The following MTOR variants were observed in gnomAD, a reference collection of about 807,000 sequenced individuals.
MTOR encodes mechanistic target of rapamycin kinase, also known as serine/threonine-protein kinase mTOR.
MTOR carries 70 observed loss-of-function variants against 319.8 expected under a neutral mutation model. The ratio of observed to expected loss-of-function variants is 0.22; its 90% CI spans 0.18 to 0.27. The LOEUF (loss-of-function observed/expected upper bound fraction) is 0.27, where lower values mean the gene tolerates loss of function less well. Among genes scored for constraint, MTOR ranks in the 10% least tolerant of loss-of-function variants. The pLI is 1.00. For missense variants in MTOR, 1,890 were observed against 3,274.4 expected (o/e 0.58, Z 10.32); for synonymous variants, 1,183 against 1,211.4 (o/e 0.98, Z 0.49).
intron 29 of MTOR, among the ~76,000 whole-genome samples, chr1:11,165,237 G>A (rs1171298569): frequency 6.6e-6 from 1 of 152,048 alleles, no homozygotes; most frequent in Non-Finnish European, 1.5e-5. Flanking sequence ...AGTGTTGGAA[G>A]TTCTGGCCAG....
intron 34 of MTOR, among the ~76,000 whole-genome samples, chr1:11,140,954 T>C (rs910046911): frequency 2.0e-5 from 3 of 149,254 alleles, no homozygotes; most frequent in Admixed American, 1.4e-4. Flanking sequence ...TCTGAAGTTA[T>C]TAAAGCCTAA....
chr1:11,126,169 C>T (rs112796581), intron 46 of MTOR, among the ~76,000 whole-genome samples: 1 of 150,956 alleles, frequency 6.6e-6, no homozygotes, highest in Non-Finnish European at 1.5e-5. Flanking sequence ...ACTTGCTTAA[C>T]AAATCTCACT....
At chr1:11,194,493 T>G (rs765202660) in intron 28 of MTOR, 1 of 1,614,164 alleles carries the variant, frequency 6.2e-7, no homozygotes, top group Non-Finnish European at 8.5e-7. Flanking sequence ...ACGCTGAGTA[T>G]AGCCACTTTG....
chr1:11,116,979 A>T (rs768210959), intron 50 of MTOR, 25 bp downstream of exon 50: 1 of 1,567,826 alleles, frequency 6.4e-7, no homozygotes, highest in Non-Finnish European at 8.7e-7. Context: ...AAAGAAGACT[A>T]AAAAAACCAA....
chr1:11,251,651 GTTTCT>G, intron 6 of MTOR, among the ~76,000 whole-genome samples: 1 of 130,842 alleles, frequency 7.6e-6, no homozygotes, highest in Middle Eastern at 4.1e-3. Flanking sequence ...TATTTAGATA[GTTTCT>G]TTTTTTTTTT....
At chr1:11,110,020 C>A (rs1011281201) in intron 54 of MTOR, among the ~76,000 whole-genome samples, 2 of 150,850 alleles carry the variant, frequency 1.3e-5, no homozygotes, top group African/African-American at 4.8e-5. Flanking sequence ...ATTTTTAAAT[C>A]TGTAAAGCCA....
At chr1:11,119,341 C>G (rs980439769) in intron 49 of MTOR, among the ~76,000 whole-genome samples, 4 of 150,512 alleles carry the variant, frequency 2.7e-5, no homozygotes, top group African/African-American at 9.8e-5. Context: ...CTGAGGCGGG[C>G]GGATCATGAG....
At chr1:11,257,380 CAAAAAAAA>C (rs1006118528) in intron 3 of MTOR, among the ~76,000 whole-genome samples, 1 of 36,788 alleles carries the variant, frequency 2.7e-5, no homozygotes, top group African/African-American at 8.8e-5. Flanking sequence ...TACTAAGATA[CAAAAAAAA>C]AAAAAAAAAA....
intron 1 of MTOR, 77 bp downstream of exon 1, chr1:11,262,368 G>GC (rs1401835482): frequency 2.6e-5 from 4 of 152,440 alleles, no homozygotes; most frequent in African/African-American, 2.4e-5. Flanking sequence ...GCTTCCCCTG[G>GC]CCCCCCCACG....
At chr1:11,111,339 A>G (rs1570899632) in intron 54 of MTOR, among the ~76,000 whole-genome samples, 1 of 151,882 alleles carries the variant, frequency 6.6e-6, no homozygotes, top group African/African-American at 2.4e-5. Flanking sequence ...AAATTAGCTG[A>G]GCATGGTGGC....
chr1:11,225,118 A>G (rs1192129275), intron 19 of MTOR, among the ~76,000 whole-genome samples: 1 of 152,206 alleles, frequency 6.6e-6, no homozygotes, highest in Non-Finnish European at 1.5e-5. Flanking sequence ...CTAAAATTAG[A>G]TTATTAGTGA....
At chr1:11,132,990 T>C in intron 38 of MTOR, 90 bp downstream of exon 38, 3 of 1,103,690 alleles carry the variant, frequency 2.7e-6, no homozygotes, top group Non-Finnish European at 4.1e-6. Flanking sequence ...TCAGCCTAGC[T>C]CCGCAGAAGC....
chr1:11,261,819 G>A (rs972446390), intron 1 of MTOR, among the ~76,000 whole-genome samples: 4 of 152,162 alleles, frequency 2.6e-5, no homozygotes, highest in Non-Finnish European at 5.9e-5. Context: ...GCTGGCAAGG[G>A]ATTTCTATTC....
At chr1:11,155,671 C>T (rs1044753080) in intron 30 of MTOR, among the ~76,000 whole-genome samples, 1 of 152,186 alleles carries the variant, frequency 6.6e-6, no homozygotes, top group African/African-American at 2.4e-5. Flanking sequence ...ATATCGTTTC[C>T]TCCCGGTATC....
At position 11,228,766 on chromosome 1, in the gene MTOR, T is replaced by C. The variant is rs1340518694; in HGVS notation, c.2932A>G (p.Ile978Val). 6.2e-7 allele frequency: 1 copy of C among 1,613,928 alleles called. No homozygotes were observed. Among genetic ancestry groups the C allele is most frequent in the Non-Finnish European group, 8.5e-7 (1 of 1,180,014 alleles). The change falls in exon 19 of 58, where the codon ATC (isoleucine) becomes GTC (valine). Residue 978 changes from isoleucine (I) to valine (V), a missense_variant. Physicochemically the swap from Ile to Val is conservative, Grantham distance 29. Transcript: ENST00000361445. ...CATTTGAGTCCCAGGGACTTGAAGA[T>C]GAAGGTGATGGCCTGGACAACCATG... ...HTMVVQAITF[I>V]FKSLGLKCVQ...
At chr1:11,119,950 C>A (rs1642419679) in intron 49 of MTOR, among the ~76,000 whole-genome samples, 2 of 150,844 alleles carry the variant, frequency 1.3e-5, no homozygotes, top group South Asian at 4.2e-4. Context: ...ATGGTGTAGG[C>A]CGGGCGTGGT....
intron 28 of MTOR, among the ~76,000 whole-genome samples, chr1:11,198,884 C>A (rs1274529454): frequency 1.3e-5 from 2 of 152,146 alleles, no homozygotes; most frequent in Non-Finnish European, 2.9e-5. Context: ...CCCTTGAGTA[C>A]CCTCTGAAGC....
intron 15 of MTOR, chr1:11,233,143 C>A: frequency 9.3e-7 from 1 of 1,075,494 alleles, no homozygotes; most frequent in Non-Finnish European, 1.4e-6. Context: ...ATGGCACACA[C>A]ATTTATGCTG....
Position 11,133,255 on chromosome 1 carries a change from A to G in MTOR, c.5247-58T>C. 4.2e-6 allele frequency: 6 copies of G among 1,433,322 alleles called. No homozygotes were observed. The highest frequency in any genetic ancestry group is 5.9e-6 in the Non-Finnish European group (6 of 1,017,084). The allele number at this position is 1,433,322 out of a possible 1,614,324, so 88.8% of individuals were successfully genotyped here. ...CCCTCCTCAAAACAGCCCTCCTAAGAGGACCACAAATTGTTAGGGGACACT... is the reference window on the plus strand; with the variant it reads ...CCCTCCTCAAAACAGCCCTCCTAAGGGGACCACAAATTGTTAGGGGACACT... On this transcript the variant is annotated intron_variant, in intron 37 of 57. Transcript: ENST00000361445. This position sits in a 1 kb window ranked among gnomAD's most constrained non-coding sequence, Gnocchi z 4.0.
Sources: allele counts gnomAD v4.1 joint callset (sites outside exome capture counted in the v4.1 genomes callset), GRCh38; gene constraint gnomAD v4.1.1; non-coding constraint Gnocchi (gnomAD v3.1); transcripts MANE v1.5; gene names NCBI Gene and HGNC (gene_info 2026-07-23, HGNC 2026-07-21).